Variants in RGS21 observed in about 807,000 individuals in gnomAD.
RGS21 encodes regulator of G protein signaling 21.
RGS21 carries 19 observed loss-of-function variants against 18.7 expected under a neutral mutation model. The ratio of observed to expected loss-of-function variants is 1.01; its 90% CI spans 0.71 to 1.49. The LOEUF (loss-of-function observed/expected upper bound fraction) is 1.49, where lower values mean the gene tolerates loss of function less well. Ranked by LOEUF, RGS21 falls within the 40% of genes most tolerant of loss-of-function variation. The pLI is 0.00. For synonymous variants in RGS21, 56 were observed against 57.8 expected, an observed-to-expected ratio of 0.97 and a Z score of 0.14; for missense variants, 194 against 176.8, an observed-to-expected ratio of 1.10 and a Z score of -0.55.
intron 3 of RGS21, among the ~76,000 whole-genome samples, chr1:192,351,725 T>C (rs1659043653): frequency 6.8e-6 from 1 of 147,638 alleles, no homozygotes; most frequent in African/African-American, 2.5e-5. Flanking sequence ...ATAACACATA[T>C]AATATATATG....
chr1:192,359,937 A>G (rs1659164758), intron 4 of RGS21, among the ~76,000 whole-genome samples: 1 of 151,812 alleles, frequency 6.6e-6, no homozygotes, highest in African/African-American at 2.4e-5. Flanking sequence ...AGGGGCATTT[A>G]ACAAAACATA....
chr1:192,363,480 T>G (rs1008271271), intron 4 of RGS21, among the ~76,000 whole-genome samples: 1 of 152,138 alleles, frequency 6.6e-6, no homozygotes, highest in Non-Finnish European at 1.5e-5. Flanking sequence ...ATTCTCATAT[T>G]CCCACAACAC....
In RGS21 at chr1:192,345,426, T is replaced by C. The variant is rs112195696; in HGVS notation, c.12-1887T>C. On this transcript the variant is annotated intron_variant, in intron 2 of 4. Coordinates refer to ENST00000417209, the MANE Select transcript of RGS21 (RefSeq NM_001039152.3). ...ATTTATCAGCATCTTGAAGGCCATT[T>C]ACCCTCTTCCATTGAAGGCTTTAAT... Among the ~76,000 whole-genome samples the C allele has an allele frequency of 4.1e-3, 626 of 152,228 alleles. 6 individuals are homozygous for C. Among genetic ancestry groups the C allele is most frequent in the African/African-American group, 0.014 (594 of 41,580 alleles).
At chr1:192,348,011 T>TATATAC (rs1348385050) in intron 3 of RGS21, among the ~76,000 whole-genome samples, 1 of 149,904 alleles carries the variant, frequency 6.7e-6, no homozygotes, top group African/African-American at 2.5e-5. Context: ...TACACATACA[T>TATATAC]ATATATATGT....
chr1:192,321,875 TA>T (rs1236586124), intron 1 of RGS21, among the ~76,000 whole-genome samples: 1 of 151,970 alleles, frequency 6.6e-6, no homozygotes, highest in Non-Finnish European at 1.5e-5. Context: ...AAACTTTGAC[TA>T]AAAAATAAAA....
intron 4 of RGS21, among the ~76,000 whole-genome samples, chr1:192,362,449 C>T (rs1467679171): frequency 1.3e-5 from 2 of 152,188 alleles, no homozygotes; most frequent in African/African-American, 2.4e-5. Flanking sequence ...TGCATGTGCA[C>T]ACGCACAAAC....
At chr1:192,318,524 G>A (rs544511146) in intron 1 of RGS21, among the ~76,000 whole-genome samples, 4 of 152,086 alleles carry the variant, frequency 2.6e-5, no homozygotes, top group Admixed American at 1.3e-4. Context: ...TGTTGTCCTC[G>A]CCCAAGATTT....
At chr1:192,365,036 T>C (rs751454288) in intron 4 of RGS21, among the ~76,000 whole-genome samples, 1 of 151,058 alleles carries the variant, frequency 6.6e-6, no homozygotes, top group Non-Finnish European at 1.5e-5. Context: ...CTAGGGAGGC[T>C]AAGGCAGGAG....
chr1:192,356,443 A>G (rs1229876424), intron 4 of RGS21, among the ~76,000 whole-genome samples: 1 of 151,866 alleles, frequency 6.6e-6, no homozygotes, highest in African/African-American at 2.4e-5. Context: ...GAACTTTTCA[A>G]TACAGTTGGG....
chr1:192,339,306 A>C (rs1658817642), intron 1 of RGS21, among the ~76,000 whole-genome samples: 1 of 151,968 alleles, frequency 6.6e-6, no homozygotes, highest in Admixed American at 6.6e-5. Flanking sequence ...ACCAGAATTA[A>C]GTTCTTATTA....
At chr1:192,335,338 A>G (rs1658752141) in intron 1 of RGS21, among the ~76,000 whole-genome samples, 1 of 152,176 alleles carries the variant, frequency 6.6e-6, no homozygotes, top group African/African-American at 2.4e-5. Context: ...GAAATTAGAT[A>G]CTCTCTTTAA....
chr1:192,336,090 A>G (rs1658763340), intron 1 of RGS21, among the ~76,000 whole-genome samples: 1 of 152,244 alleles, frequency 6.6e-6, no homozygotes, highest in South Asian at 2.1e-4. Context: ...GAAAATTAAT[A>G]TATGTATGAC....
chr1:192,349,412 G>A (rs1233420033), intron 3 of RGS21, among the ~76,000 whole-genome samples: 1 of 152,116 alleles, frequency 6.6e-6, no homozygotes, highest in Non-Finnish European at 1.5e-5. Flanking sequence ...AAATTACCTA[G>A]TTGTTTTTGT....
chr1:192,324,483 T>C (rs2102221935), intron 1 of RGS21, among the ~76,000 whole-genome samples: 1 of 152,172 alleles, frequency 6.6e-6, no homozygotes, highest in South Asian at 2.1e-4. Flanking sequence ...CTTGTTCCCT[T>C]AAGAAGAGTA....
chr1:192,317,163 C>G (rs1192167066), intron 1 of RGS21, 58 bp downstream of exon 1: 1 of 151,886 alleles, frequency 6.6e-6, no homozygotes, highest in African/African-American at 2.4e-5. Flanking sequence ...AAAGATTAAA[C>G]TGATGACATT....
intron 4 of RGS21, among the ~76,000 whole-genome samples, chr1:192,359,436 C>T (rs1405692113): frequency 1.3e-5 from 2 of 151,814 alleles, no homozygotes; most frequent in African/African-American, 4.8e-5. Flanking sequence ...CTGATGGAGT[C>T]CCACCTTCAG....
intron 4 of RGS21, among the ~76,000 whole-genome samples, chr1:192,356,612 G>T (rs1466370277): frequency 6.6e-6 from 1 of 151,726 alleles, no homozygotes; most frequent in Non-Finnish European, 1.5e-5. Flanking sequence ...TTATAAATAA[G>T]GATAGTTTTA....
chr1:192,317,551 T>G (rs1033198974), intron 1 of RGS21, among the ~76,000 whole-genome samples: 1 of 151,820 alleles, frequency 6.6e-6, no homozygotes, highest in Non-Finnish European at 1.5e-5. Flanking sequence ...GGTGGCCAAT[T>G]ACCATACCTG....
At chr1:192,346,451 A>G (rs1658945431) in intron 2 of RGS21, among the ~76,000 whole-genome samples, 1 of 152,142 alleles carries the variant, frequency 6.6e-6, no homozygotes, top group Non-Finnish European at 1.5e-5. Flanking sequence ...CTCTCTTTCC[A>G]TAACTAAGTC....
Sources: gnomAD v4.1 joint callset for allele counts (sites outside exome capture counted in the v4.1 genomes callset) on GRCh38, gnomAD v4.1.1 for gene constraint, MANE v1.5 for transcripts, NCBI Gene and HGNC (gene_info 2026-07-23, HGNC 2026-07-21) for gene names.